The following IGF1 variants were observed in gnomAD, a reference collection of about 807,000 sequenced individuals.
IGF1 encodes insulin-like growth factor 1.
In IGF1, 4 loss-of-function variants were observed where a neutral mutation model predicts 13.8. The observed-to-expected ratio is 0.29, with a 90% CI of 0.14 to 0.66. The LOEUF (loss-of-function observed/expected upper bound fraction) is 0.66, where lower values mean the gene tolerates loss of function less well. IGF1 is among the 30% of genes least tolerant of loss of function. IGF1 has a pLI of 0.78. For missense variants in IGF1, 124 were observed against 188.5 expected, an observed-to-expected ratio of 0.66 and a Z score of 2.00; for synonymous variants, 76 against 72.6, an observed-to-expected ratio of 1.05 and a Z score of -0.23.
At position 102,400,230 on chromosome 12, in the gene IGF1, TA is replaced by T. The variant is rs974502335; in HGVS notation, c.*2276del. The T allele has an allele frequency of 1.3e-5, 2 of 152,084 alleles. No individual in the cohort carries two copies. Among genetic ancestry groups the T allele is most frequent in the Non-Finnish European group, 2.9e-5 (2 of 68,004 alleles). 9.4% of individuals were successfully genotyped at this position (152,084 alleles called of 1,614,324 possible). ...TTTTCATATAGACTTTCCAAGAATG[TA>T]AAATATAGAATTTGCATGAAATAAT... On this transcript the variant is annotated 3_prime_UTR_variant, in exon 4 of 4. Coordinates refer to ENST00000337514, the MANE Select transcript of IGF1 (RefSeq NM_000618.5).
chr12:102,471,274 A>T (rs10860869), intron 2 of IGF1, among the ~76,000 whole-genome samples: 44,602 of 152,050 alleles, frequency 0.29, 6,717 homozygotes, highest in East Asian at 0.44. Context: ...GCTTTGTTAA[A>T]TACAACCTAG....
chr12:102,451,988 C>T (rs987786796), intron 2 of IGF1, among the ~76,000 whole-genome samples: 4 of 152,064 alleles, frequency 2.6e-5, no homozygotes, highest in Non-Finnish European at 5.9e-5. Flanking sequence ...TTCGGCCGGG[C>T]GCGGTGGCTC....
At chr12:102,436,013 C>T (rs888223178) in intron 2 of IGF1, among the ~76,000 whole-genome samples, 2 of 152,312 alleles carry the variant, frequency 1.3e-5, no homozygotes, top group South Asian at 2.1e-4. Context: ...CTGGGAAAGA[C>T]CTCTTATACT....
chr12:102,415,376 T>TA (rs138390877), intron 3 of IGF1, among the ~76,000 whole-genome samples: 4,847 of 152,204 alleles, frequency 0.032, 300 homozygotes, highest in East Asian at 0.27. Flanking sequence ...AAAGATAATA[T>TA]AGATTCTTTC....
At chr12:102,407,103 A>T in intron 3 of IGF1, among the ~76,000 whole-genome samples, 1 of 12,584 alleles carries the variant, frequency 7.9e-5, no homozygotes, top group Admixed American at 9.1e-4. Context: ...CCAAAAAAAA[A>T]AAAAAAAAAA....
intron 3 of IGF1, among the ~76,000 whole-genome samples, chr12:102,416,860 A>G (rs1374669073): frequency 6.6e-6 from 1 of 152,238 alleles, no homozygotes; most frequent in Non-Finnish European, 1.5e-5. Context: ...ATTTGGAGAC[A>G]GAGTCTTTAC....
At chr12:102,470,227 T>A (rs1880599467) in intron 2 of IGF1, among the ~76,000 whole-genome samples, 1 of 152,184 alleles carries the variant, frequency 6.6e-6, no homozygotes, top group Admixed American at 6.5e-5. Context: ...ACAAACAGGT[T>A]AAATAACTTG....
intron 3 of IGF1, among the ~76,000 whole-genome samples, chr12:102,408,400 G>T (rs1874353067): frequency 6.6e-6 from 1 of 152,046 alleles, no homozygotes; most frequent in Non-Finnish European, 1.5e-5. Flanking sequence ...GCAAAGCGAG[G>T]GTCATGCGAT....
chr12:102,424,239 C>T (rs979083823), intron 2 of IGF1, among the ~76,000 whole-genome samples: 16 of 139,144 alleles, frequency 1.1e-4, no homozygotes, highest in Middle Eastern at 3.7e-3. Context: ...AAGTTGATCC[C>T]TTTTTTTTTT....
intron 2 of IGF1, among the ~76,000 whole-genome samples, chr12:102,471,550 C>A (rs186895213): frequency 6.6e-6 from 1 of 152,260 alleles, no homozygotes; most frequent in Admixed American, 6.5e-5. Context: ...TCTTACAAAA[C>A]AGTCTGTTTT....
intron 2 of IGF1, among the ~76,000 whole-genome samples, chr12:102,426,754 C>T (rs1876239637): frequency 6.6e-6 from 1 of 152,176 alleles, no homozygotes; most frequent in Non-Finnish European, 1.5e-5. Context: ...AACAATGCTG[C>T]AAGGCCTGGG....
upstream of IGF1, among the ~76,000 whole-genome samples, chr12:102,481,040 T>C (rs1488927600): frequency 6.6e-6 from 1 of 152,206 alleles, no homozygotes; most frequent in African/African-American, 2.4e-5. Context: ...TAAAGTAGAT[T>C]GGAAGACAGC....
intron 2 of IGF1, among the ~76,000 whole-genome samples, chr12:102,458,476 C>G (rs1449497785): frequency 6.6e-6 from 1 of 152,150 alleles, no homozygotes; most frequent in Non-Finnish European, 1.5e-5. Context: ...TCACTCTGTA[C>G]TTGAAAATAC....
At chr12:102,410,149 G>C (rs1287880030) in intron 3 of IGF1, among the ~76,000 whole-genome samples, 1 of 151,968 alleles carries the variant, frequency 6.6e-6, no homozygotes, top group East Asian at 1.9e-4. Context: ...AAATATTTCT[G>C]CCTGTGATGT....
intron 2 of IGF1, among the ~76,000 whole-genome samples, chr12:102,435,902 A>G (rs1170370834): frequency 6.6e-6 from 1 of 152,214 alleles, no homozygotes; most frequent in Non-Finnish European, 1.5e-5. Flanking sequence ...ATAAGTTCTC[A>G]AATGATGCCA....
chr12:102,454,532 T>G (rs5742638), intron 2 of IGF1, among the ~76,000 whole-genome samples: 8 of 152,258 alleles, frequency 5.3e-5, no homozygotes, highest in Non-Finnish European at 8.8e-5. Context: ...AATGTTTGTC[T>G]TAGCTGAGTC....
chr12:102,436,327 C>A (rs1877219636), intron 2 of IGF1, among the ~76,000 whole-genome samples: 1 of 152,232 alleles, frequency 6.6e-6, no homozygotes, highest in Admixed American at 6.5e-5. Flanking sequence ...GCGAGAAACA[C>A]AAGCTAGTCT....
intron 2 of IGF1, among the ~76,000 whole-genome samples, chr12:102,435,152 A>G (rs1326176345): frequency 2.0e-5 from 3 of 152,358 alleles, no homozygotes; most frequent in Middle Eastern, 3.4e-3. Context: ...GTTACATGCA[A>G]GTATTAATAC....
chr12:102,452,114 T>C (rs1380028103), intron 2 of IGF1, among the ~76,000 whole-genome samples: 2 of 151,370 alleles, frequency 1.3e-5, no homozygotes, highest in Non-Finnish European at 2.9e-5. Context: ...TACAAAAAAT[T>C]AGCCGGGCGT....
Sources: allele counts gnomAD v4.1 joint callset (sites outside exome capture counted in the v4.1 genomes callset), GRCh38; gene constraint gnomAD v4.1.1; transcripts MANE v1.5; gene names NCBI Gene and HGNC (gene_info 2026-07-23, HGNC 2026-07-21).